LSM12: variants seen among roughly 807,000 people sequenced by gnomAD.
LSM12 encodes LSM12 homolog, also known as protein LSM12.
For synonymous variants in LSM12, 74 were observed against 87.3 expected (o/e 0.85, Z 0.85); for missense variants, 108 against 238.9 (o/e 0.45, Z 3.61).
At position 44,044,353 on chromosome 17, in the gene LSM12, C is replaced by G. The variant is rs143558252; in HGVS notation, c.259-4097G>C. On this transcript the variant is annotated intron_variant, in intron 2 of 4. Coordinates refer to ENST00000293406, the MANE Select transcript of LSM12 (RefSeq NM_001371445.1). ...TTCAAAATACACCCCCCACCCCCGC[C>G]AAAATACCAGTTGTGCAAGTGCAAT... is the stretch of plus-strand genomic sequence containing the variant. 3.7e-3 allele frequency among the ~76,000 whole-genome samples: 556 copies of G among 152,126 alleles called. 3 individuals carry two copies. The highest frequency in any genetic ancestry group is 0.012 in the African/African-American group (498 of 41,502).
intron 3 of LSM12, 89 bp from the exon 4 acceptor site, chr17:44,037,627 T>G: frequency 7.0e-7 from 1 of 1,433,312 alleles, no homozygotes; most frequent in Non-Finnish European, 9.2e-7. Context: ...AGAAGGCTGA[T>G]CCCAAGTTCC....
At chr17:44,039,211 C>T (rs1347533649) in intron 3 of LSM12, among the ~76,000 whole-genome samples, 3 of 151,996 alleles carry the variant, frequency 2.0e-5, no homozygotes, top group African/African-American at 4.8e-5. Flanking sequence ...TGCACCACCA[C>T]GCCTGGCTAA....
chr17:44,066,294 C>A (rs1397526524), intron 1 of LSM12, among the ~76,000 whole-genome samples, 170 bp downstream of exon 1: 2 of 152,224 alleles, frequency 1.3e-5, no homozygotes, highest in Non-Finnish European at 2.9e-5. Flanking sequence ...GACCGAAGGG[C>A]CCGCGGGAGG....
chr17:44,050,657 A>G (rs1269319022), intron 2 of LSM12, among the ~76,000 whole-genome samples: 1 of 151,840 alleles, frequency 6.6e-6, no homozygotes, highest in Non-Finnish European at 1.5e-5. Context: ...AGTAGCTGGT[A>G]TTACAGGCAC....
At chr17:44,038,376 A>C (rs908792363) in intron 3 of LSM12, among the ~76,000 whole-genome samples, 3 of 150,994 alleles carry the variant, frequency 2.0e-5, no homozygotes, top group African/African-American at 7.3e-5. Context: ...AAAAAAAAGA[A>C]AGGCCAGGCA....
intron 3 of LSM12, 80 bp from the exon 4 acceptor site, chr17:44,037,618 G>C: frequency 6.8e-7 from 1 of 1,466,722 alleles, no homozygotes; most frequent in Non-Finnish European, 9.0e-7. Flanking sequence ...AATAACTCCA[G>C]AAGGCTGATC....
intron 2 of LSM12, among the ~76,000 whole-genome samples, chr17:44,063,001 G>A (rs2049819641): frequency 6.6e-6 from 1 of 152,020 alleles, no homozygotes; most frequent in Non-Finnish European, 1.5e-5. Context: ...CCTGGGAGGC[G>A]GAGGTTACAG....
At chr17:44,049,049 G>A (rs1177822582) in intron 2 of LSM12, among the ~76,000 whole-genome samples, 4 of 152,082 alleles carry the variant, frequency 2.6e-5, no homozygotes, top group Non-Finnish European at 5.9e-5. Context: ...ATTAGCACCG[G>A]GCATGGTGGT....
intron 2 of LSM12, among the ~76,000 whole-genome samples, chr17:44,042,633 C>G (rs1200438064): frequency 3.7e-5 from 4 of 108,488 alleles, no homozygotes; most frequent in African/African-American, 1.4e-4. Flanking sequence ...GGCGCAAGCT[C>G]TGCTCACTGC....
intron 2 of LSM12, among the ~76,000 whole-genome samples, chr17:44,060,512 C>T (rs1287786502): frequency 2.0e-5 from 3 of 152,192 alleles, no homozygotes; most frequent in African/African-American, 7.2e-5. Context: ...TCATAAACAT[C>T]TCTGCAAACG....
intron 2 of LSM12, among the ~76,000 whole-genome samples, chr17:44,041,933 C>T (rs1256606967): frequency 6.6e-6 from 1 of 152,220 alleles, no homozygotes; most frequent in Non-Finnish European, 1.5e-5. Context: ...AATGCTGCAG[C>T]ACATGTGCAA....
chr17:44,063,604 G>A (rs1320476158), intron 2 of LSM12, among the ~76,000 whole-genome samples, 197 bp downstream of exon 2: 1 of 152,152 alleles, frequency 6.6e-6, no homozygotes, highest in East Asian at 1.9e-4. Context: ...TGGGAGTTAA[G>A]CTACTTCTTA....
intron 2 of LSM12, among the ~76,000 whole-genome samples, chr17:44,060,635 G>A (rs2049783824): frequency 6.6e-6 from 1 of 152,194 alleles, no homozygotes; most frequent in African/African-American, 2.4e-5. Flanking sequence ...AGGCCACAGA[G>A]TAAGAAAAGT....
At chr17:44,045,761 C>T (rs554497303) in intron 2 of LSM12, among the ~76,000 whole-genome samples, 1 of 151,594 alleles carries the variant, frequency 6.6e-6, no homozygotes, top group East Asian at 2.0e-4. Context: ...TTTGTAGAGA[C>T]AGGGTTTCAC....
intron 2 of LSM12, among the ~76,000 whole-genome samples, chr17:44,041,288 CAA>C (rs749655968): frequency 0.21 from 21,793 of 105,218 alleles, 1,599 homozygotes; most frequent in South Asian, 0.24. Flanking sequence ...AAAAAAAAAA[CAA>C]ACACACACAC....
chr17:44,048,061 A>ACACG (rs1555624204), intron 2 of LSM12, among the ~76,000 whole-genome samples: 8 of 146,418 alleles, frequency 5.5e-5, no homozygotes, highest in African/African-American at 2.0e-4. Context: ...ACACACACAC[A>ACACG]CACGCAAATA....
At chr17:44,040,115 C>A (rs530411133) in intron 3 of LSM12, 32 bp downstream of exon 3, 1 of 1,546,096 alleles carries the variant, frequency 6.5e-7, no homozygotes, top group South Asian at 1.1e-5. Context: ...AGCATTACCC[C>A]AGGACAAAGG....
At chr17:44,041,529 C>T (rs1390908353) in intron 2 of LSM12, among the ~76,000 whole-genome samples, 3 of 152,208 alleles carry the variant, frequency 2.0e-5, no homozygotes, top group African/African-American at 4.8e-5. Context: ...ACCATAAACG[C>T]TGTCCACCTT....
At chr17:44,064,004 T>C (rs568683879) in intron 1 of LSM12, 70 bp from the exon 2 acceptor site, 147 of 1,544,716 alleles carry the variant, frequency 9.5e-5, no homozygotes, top group East Asian at 7.7e-4. Context: ...AAAAGGGGCA[T>C]AGAAAACACG....
Sources: allele counts gnomAD v4.1 joint callset (sites outside exome capture counted in the v4.1 genomes callset), GRCh38; gene constraint gnomAD v4.1.1; transcripts MANE v1.5; gene names NCBI Gene and HGNC (gene_info 2026-07-23, HGNC 2026-07-21).